The following P3H2 variants were observed in gnomAD, a reference collection of about 807,000 sequenced individuals.
The protein encoded by P3H2 is prolyl 3-hydroxylase 2.
Under a neutral mutation model 87.0 loss-of-function variants are expected in P3H2, and 80 were observed. The observed-to-expected ratio is 0.92, with a 90% CI of 0.77 to 1.11. The LOEUF (loss-of-function observed/expected upper bound fraction) is 1.11. Ranked by LOEUF, P3H2 falls within the 50% of genes least tolerant of loss-of-function variation. P3H2 has a pLI of 0.00. For missense variants in P3H2, 1,001 were observed against 923.9 expected (o/e 1.08, Z -1.08); for synonymous variants, 367 against 359.3 (o/e 1.02, Z -0.24).
At chr3:190,092,090 G>A (rs921530415) in intron 1 of P3H2, among the ~76,000 whole-genome samples, 3 of 151,988 alleles carry the variant, frequency 2.0e-5, no homozygotes, top group Non-Finnish European at 4.4e-5. Context: ...AAAATTACCC[G>A]GACATGGTGG....
chr3:190,077,569 T>C (rs538659567), intron 1 of P3H2, among the ~76,000 whole-genome samples: 6 of 152,168 alleles, frequency 3.9e-5, no homozygotes, highest in African/African-American at 1.2e-4. Context: ...TTCTTGTCTA[T>C]TGAAGAAATC....
chr3:189,966,321 G>A (rs1245715955), intron 13 of P3H2, among the ~76,000 whole-genome samples: 1 of 152,094 alleles, frequency 6.6e-6, no homozygotes, highest in Non-Finnish European at 1.5e-5. Context: ...ACCAAGTCTT[G>A]GTAACATCTT....
chr3:190,061,011 C>T (rs576578662), intron 1 of P3H2, among the ~76,000 whole-genome samples: 8 of 152,066 alleles, frequency 5.3e-5, no homozygotes, highest in Admixed American at 5.2e-4. Flanking sequence ...CAGGCTATTC[C>T]ATCACCCAGA....
rs182076652 is a variant in P3H2, at chr3:189,974,372, C to A, written c.1452+186G>T. The stretch of plus-strand genomic sequence containing the variant: ...GCCAGTAGCTATTCCAGATCCCACC[C>A]GGGAAAACTAAAATAATCCCAACCC... On this transcript the variant is annotated intron_variant, in intron 9 of 14. Transcript: ENST00000319332. Among the ~76,000 whole-genome samples the A allele has an allele frequency of 5.2e-3, 795 of 152,246 alleles. 6 individuals carry two copies. Among genetic ancestry groups the A allele is most frequent in the South Asian group, 0.023 (111 of 4,826 alleles).
At position 190,000,654 on chromosome 3, in the gene P3H2, C is replaced by T. The variant is rs562401071; in HGVS notation, c.481-5212G>A. Among the ~76,000 whole-genome samples, 11 of 152,196 alleles carry T rather than the reference C, an allele frequency of 7.2e-5. No individual in the cohort carries two copies. The South Asian group carries it at 2.3e-3, about 32-fold the overall frequency. On this transcript the variant is annotated intron_variant, in intron 1 of 14. Transcript: ENST00000319332. ...GTTGAGAAGCCAGGCATGAACCGAA[C>T]AAGAGGAAGGGCATTCCAGGCCAAA...
intron 1 of P3H2, among the ~76,000 whole-genome samples, chr3:190,100,261 C>CCCA (rs1491211454): frequency 7.6e-6 from 1 of 130,930 alleles, no homozygotes; most frequent in Non-Finnish European, 1.6e-5. Flanking sequence ...CCCCCCCCCC[C>CCCA]AAAAAAAACA....
chr3:189,977,342 G>A (rs117363511), intron 8 of P3H2, among the ~76,000 whole-genome samples: 1 of 152,264 alleles, frequency 6.6e-6, no homozygotes, highest in East Asian at 1.9e-4. Flanking sequence ...GTACTGGAGA[G>A]GATCACATGG....
At position 190,020,427 on chromosome 3, in the gene P3H2, T is replaced by TA. The variant is rs1340792231; in HGVS notation, c.481-24986dup. ...AATCCAAACATGTTTTTCTTCTTTT[T>TA]AAAAAAATAAAGCAGCTTACTGGAT... On this transcript the variant is annotated intron_variant, in intron 1 of 14. Transcript: ENST00000319332. 1.5e-5 allele frequency among the ~76,000 whole-genome samples: 2 copies of TA among 134,770 alleles called. 1 individual carries two copies. Among genetic ancestry groups the TA allele is most frequent in the Non-Finnish European group, 3.3e-5 (2 of 60,322 alleles). 88.4% of individuals were successfully genotyped at this position (134,770 alleles called of 152,430 possible).
chr3:189,956,913 G>A lies in P3H2; in HGVS notation c.*999C>T, dbSNP rs2108898519. The stretch of plus-strand genomic sequence containing the variant: ...AGTGGACCCCACTCCTAGGCAACCT[G>A]GCCATGGTGCCCGGATGCAGGCAGT... On this transcript the variant is annotated 3_prime_UTR_variant, in exon 15 of 15. Transcript: ENST00000319332. 1 of 393,062 alleles carries A rather than the reference G, an allele frequency of 2.5e-6. No homozygotes were observed. The highest frequency in any genetic ancestry group is 3.6e-5 in the East Asian group (1 of 27,696). 24.3% of individuals were successfully genotyped at this position (393,062 alleles called of 1,614,324 possible). A position where few individuals can be genotyped will look rare whatever the true frequency, so the allele number is the denominator to read the frequency against.
rs866036786 is a variant in P3H2, at chr3:190,020,680, G to T, written c.481-25238C>A. ...GTTTAGCGTGGGTCTCTAGGGTGAA[G>T]CCCATCCAGGGGTGTGGTGATTTTT... On this transcript the variant is annotated intron_variant, in intron 1 of 14. Transcript: ENST00000319332. 4.5e-5 allele frequency among the ~76,000 whole-genome samples: 6 copies of T among 133,740 alleles called. 1 individual carries two copies. Among genetic ancestry groups the T allele is most frequent in the African/African-American group, 1.5e-4 (6 of 38,754 alleles). The allele number at this position is 133,740 out of a possible 152,430, so 87.7% of individuals were successfully genotyped here.
chr3:189,989,059 C>A (rs749638947), intron 3 of P3H2, 21 bp from the exon 4 acceptor site: 2 of 1,613,766 alleles, frequency 1.2e-6, no homozygotes, highest in African/African-American at 2.7e-5. Context: ...AGAGCCAATA[C>A]GTGTGTTCCT....
intron 1 of P3H2, among the ~76,000 whole-genome samples, chr3:190,108,852 G>C (rs1711956400): frequency 6.6e-6 from 1 of 151,982 alleles, no homozygotes; most frequent in South Asian, 2.1e-4. Context: ...GTTTGTTTTT[G>C]TTTTTTTAGA....
chr3:190,083,589 T>C (rs1727121387), intron 1 of P3H2, among the ~76,000 whole-genome samples: 1 of 152,220 alleles, frequency 6.6e-6, no homozygotes, highest in Admixed American at 6.5e-5. Context: ...TGTGTAATTG[T>C]GGTGTATCCC....
At chr3:190,039,999 C>A (rs1257578303) in intron 1 of P3H2, among the ~76,000 whole-genome samples, 1 of 152,164 alleles carries the variant, frequency 6.6e-6, no homozygotes, top group Admixed American at 6.5e-5. Context: ...CAAAAACTCA[C>A]AGGAATATGG....
rs139142515 is a variant in P3H2 at position 190,026,764 on chromosome 3, C to G, written c.481-31322G>C. ...TCTTTCTTGCGGGAGATCCAAGAAC[C>G]CTCCCTTTCTGGTAACATAAAGATT... On this transcript the variant is annotated intron_variant, in intron 1 of 14. Transcript: ENST00000319332. Among the ~76,000 whole-genome samples the G allele has an allele frequency of 2.0e-3, 307 of 152,182 alleles. 1 individual carries two copies. Among genetic ancestry groups the G allele is most frequent in the African/African-American group, 6.9e-3 (285 of 41,520 alleles).
At chr3:190,069,618 G>T (rs139284155) in intron 1 of P3H2, among the ~76,000 whole-genome samples, 1 of 152,220 alleles carries the variant, frequency 6.6e-6, no homozygotes, top group African/African-American at 2.4e-5. Flanking sequence ...GATGCTGAAG[G>T]ACACCAACTT....
chr3:190,026,919 T>C (rs957986927), intron 1 of P3H2, among the ~76,000 whole-genome samples: 7 of 152,202 alleles, frequency 4.6e-5, no homozygotes, highest in African/African-American at 1.7e-4. Context: ...ATTTGCTGGG[T>C]GTATGAAGCT....
At chr3:189,978,419 C>G (rs570015716) in intron 8 of P3H2, among the ~76,000 whole-genome samples, 2 of 152,222 alleles carry the variant, frequency 1.3e-5, no homozygotes, top group East Asian at 3.9e-4. Flanking sequence ...CTGATTGAGA[C>G]ACCTTAATAA....
intron 14 of P3H2, among the ~76,000 whole-genome samples, chr3:189,959,494 G>A (rs1037834485): frequency 6.9e-6 from 1 of 145,012 alleles, no homozygotes; most frequent in African/African-American, 2.6e-5. Flanking sequence ...CTATGAGTGA[G>A]AATATGTGGT....
Sources: allele counts gnomAD v4.1 joint callset (sites outside exome capture counted in the v4.1 genomes callset), GRCh38; gene constraint gnomAD v4.1.1; transcripts MANE v1.5; gene names NCBI Gene and HGNC (gene_info 2026-07-23, HGNC 2026-07-21).